The following B4GALNT3 variants were observed in gnomAD, a reference collection of about 807,000 sequenced individuals.
B4GALNT3 encodes the protein beta-1,4-N-acetylgalactosaminyltransferase 3.
A neutral mutation model predicts 120.2 loss-of-function variants in B4GALNT3; 86 were observed. The ratio of observed to expected loss-of-function variants is 0.72; its 90% CI spans 0.60 to 0.86. The LOEUF (loss-of-function observed/expected upper bound fraction) is 0.86. B4GALNT3 is among the 40% of genes least tolerant of loss of function. The pLI is 0.00. For synonymous variants in B4GALNT3, 518 were observed against 510.4 expected (o/e 1.01, Z -0.20); for missense variants, 1,167 against 1,298.9 (o/e 0.90, Z 1.56).
intron 1 of B4GALNT3, among the ~76,000 whole-genome samples, chr12:523,614 TAGTCC>T (rs1208729628): frequency 6.6e-6 from 1 of 152,220 alleles, no homozygotes; most frequent in African/African-American, 2.4e-5. Context: ...GCCTAGGCTC[TAGTCC>T]GGTCCCTAGC....
chr12:512,423 C>A (rs1213587587), intron 1 of B4GALNT3, among the ~76,000 whole-genome samples: 1 of 146,228 alleles, frequency 6.8e-6, no homozygotes, highest in Admixed American at 6.8e-5. Flanking sequence ...TTCCGCCTTC[C>A]GCCTTCCGCC....
chr12:546,621 C>T, intron 6 of B4GALNT3, 25 bp from the exon 7 acceptor site: 2 of 1,548,124 alleles, frequency 1.3e-6, no homozygotes, highest in Non-Finnish European at 1.7e-6. Flanking sequence ...GTTCCTCCCT[C>T]CTCTTCTCTC....
intron 14 of B4GALNT3, chr12:555,177 CAAAAAAAAAGAAAAAGAAAGAA>C (rs1947137396): frequency 9.8e-6 from 3 of 305,716 alleles, no homozygotes; most frequent in Non-Finnish European, 1.9e-5. Context: ...GACTCTGTCT[CAAAAAAAAAGAAAAAGAAAGAA>C]AAAAAAAAAG....
intron 14 of B4GALNT3, among the ~76,000 whole-genome samples, chr12:555,716 T>A (rs78599941): frequency 1.2e-3 from 183 of 152,378 alleles, no homozygotes; most frequent in African/African-American, 3.9e-3. Context: ...GTATGAAGAT[T>A]CCAATTTTTC....
At chr12:551,703 G>C (rs539275626) in intron 11 of B4GALNT3, among the ~76,000 whole-genome samples, 1 of 152,262 alleles carries the variant, frequency 6.6e-6, no homozygotes, top group South Asian at 2.1e-4. Flanking sequence ...GCTGTGGGAG[G>C]TTGCAGGTAA....
chr12:505,174 G>C (rs1946484920), intron 1 of B4GALNT3, among the ~76,000 whole-genome samples: 1 of 152,116 alleles, frequency 6.6e-6, no homozygotes, highest in Non-Finnish European at 1.5e-5. Context: ...GTACAGGCGT[G>C]AACCACCACG....
At chr12:483,260 C>T (rs989776139) in intron 1 of B4GALNT3, among the ~76,000 whole-genome samples, 2 of 152,126 alleles carry the variant, frequency 1.3e-5, no homozygotes, top group Non-Finnish European at 2.9e-5. Flanking sequence ...ATGCATATTT[C>T]TTTTAAATAG....
chr12:555,791 A>ATTT (rs34470902), intron 14 of B4GALNT3, among the ~76,000 whole-genome samples: 1 of 147,750 alleles, frequency 6.8e-6, no homozygotes, highest in African/African-American at 2.5e-5. Context: ...ATTTTTATTT[A>ATTT]TTTTTTTTTT....
chr12:507,205 T>C (rs1946506320), intron 1 of B4GALNT3, among the ~76,000 whole-genome samples: 1 of 152,246 alleles, frequency 6.6e-6, no homozygotes, highest in South Asian at 2.1e-4. Context: ...AAGTTCCTAC[T>C]GGCCATGACA....
chr12:510,805 C>G (rs957909746), intron 1 of B4GALNT3, among the ~76,000 whole-genome samples: 4 of 151,920 alleles, frequency 2.6e-5, no homozygotes, highest in Non-Finnish European at 5.9e-5. Context: ...ATAAGTCGGC[C>G]AGCCTCAGAT....
At chr12:536,343 A>T in intron 3 of B4GALNT3, 48 bp downstream of exon 3, 5 of 1,476,992 alleles carry the variant, frequency 3.4e-6, no homozygotes, top group Non-Finnish European at 4.7e-6. Context: ...CTAAAAAATA[A>T]TGTTTACAGA....
chr12:557,561 C>T, intron 15 of B4GALNT3, 47 bp from the exon 16 acceptor site: 1 of 1,580,722 alleles, frequency 6.3e-7, no homozygotes, highest in Non-Finnish European at 8.6e-7. Context: ...ATCCGCTCAT[C>T]TTTGCCTTGT....
intron 3 of B4GALNT3, 148 bp from the exon 4 acceptor site, chr12:544,191 C>T: frequency 3.0e-6 from 2 of 663,208 alleles, no homozygotes; most frequent in South Asian, 3.5e-5. Flanking sequence ...CCTCCTGGAG[C>T]TGAGGCTCTG....
At chr12:462,288 CAG>C (rs935732097) in intron 1 of B4GALNT3, among the ~76,000 whole-genome samples, 2 of 151,866 alleles carry the variant, frequency 1.3e-5, no homozygotes, top group Non-Finnish European at 2.9e-5. Context: ...AAATTAAAAA[CAG>C]AGAGAAAGGC....
chr12:558,389 T>G, intron 17 of B4GALNT3, 119 bp from the exon 18 acceptor site: 1 of 971,600 alleles, frequency 1.0e-6, no homozygotes, highest in Non-Finnish European at 1.6e-6. Context: ...AGCAGCTGGT[T>G]TTGTGGGAGT....
intron 1 of B4GALNT3, among the ~76,000 whole-genome samples, chr12:505,926 T>A (rs1946492876): frequency 6.6e-6 from 1 of 152,196 alleles, no homozygotes; most frequent in South Asian, 2.1e-4. Flanking sequence ...CATTTGCAAC[T>A]CCATCCATCT....
At position 512,821 on chromosome 12, in the gene B4GALNT3, C is replaced by T. The variant is rs1191324197; in HGVS notation, c.170-22345C>T. On this transcript the variant is annotated intron_variant, in intron 1 of 19. Transcript: ENST00000266383. ...CCTTCCACCTTCTTCCACCTTCCAC[C>T]TTCCGCCTTCTGCCTTCCACCTTCC... 3.3e-5 allele frequency among the ~76,000 whole-genome samples: 5 copies of T among 150,996 alleles called. 1 individual carries two copies. Among genetic ancestry groups the T allele is most frequent in the Non-Finnish European group, 4.4e-5 (3 of 67,774 alleles).
intron 11 of B4GALNT3, 93 bp downstream of exon 11, chr12:551,124 C>A: frequency 9.1e-7 from 1 of 1,093,298 alleles, no homozygotes; most frequent in Non-Finnish European, 1.4e-6. Context: ...ACTTTCCCAT[C>A]TTCCCAACAT....
chr12:541,111 G>A (rs979575762), intron 3 of B4GALNT3, among the ~76,000 whole-genome samples: 4 of 152,196 alleles, frequency 2.6e-5, no homozygotes, highest in African/African-American at 4.8e-5. Flanking sequence ...TTCTGGAAGC[G>A]GTGAGGACTC....
Sources: allele counts gnomAD v4.1 joint callset (sites outside exome capture counted in the v4.1 genomes callset), GRCh38; gene constraint gnomAD v4.1.1; transcripts MANE v1.5; gene names NCBI Gene and HGNC (gene_info 2026-07-23, HGNC 2026-07-21).